Variants in RAB3IL1 observed in about 807,000 individuals in gnomAD.
The protein encoded by RAB3IL1 is guanine nucleotide exchange factor for Rab-3A.
RAB3IL1 carries 37 observed loss-of-function variants against 49.2 expected under a neutral mutation model. The observed-to-expected ratio is 0.75, with a 90% CI of 0.58 to 0.99. The LOEUF (loss-of-function observed/expected upper bound fraction) is 0.99. Ranked by LOEUF, RAB3IL1 falls within the 50% of genes least tolerant of loss-of-function variation. The probability of loss-of-function intolerance (pLI) is 0.00; values close to 1 mark genes in which losing one functional copy is unlikely to be tolerated. For synonymous variants in RAB3IL1, 193 were observed against 213.9 expected, an observed-to-expected ratio of 0.90 and a Z score of 0.85; for missense variants, 484 against 513.0, an observed-to-expected ratio of 0.94 and a Z score of 0.55.
chr11:61,906,773 A>C lies in RAB3IL1; in HGVS notation c.439-89T>G. On this transcript the variant is annotated intron_variant, in intron 4 of 9. Coordinates refer to ENST00000394836, the MANE Select transcript of RAB3IL1 (RefSeq NM_013401.4). This position sits in a 1 kb window ranked among gnomAD's most constrained non-coding sequence, Gnocchi z 4.6. ...CTATCAGCCTAACTCAGGACAATGC[A>C]CCCCTGCAGTGACAGGCACTTAGTC... is the stretch of plus-strand genomic sequence containing the variant. 8.0e-7 allele frequency: 1 copy of C among 1,250,540 alleles called. No homozygotes were observed. Among genetic ancestry groups the C allele is most frequent in the Non-Finnish European group, 1.1e-6 (1 of 883,162 alleles). The allele number at this position is 1,250,540 out of a possible 1,614,324, so 77.5% of individuals were successfully genotyped here.
chr11:61,914,557 G>A (rs998644937), intron 1 of RAB3IL1, among the ~76,000 whole-genome samples: 3 of 152,184 alleles, frequency 2.0e-5, no homozygotes, highest in African/African-American at 4.8e-5. Context: ...AATCGGAAGG[G>A]GGACAACCCA....
rs940379974 is a variant in RAB3IL1 at position 61,906,125 on chromosome 11, C to A, written c.657+341G>T. Among the ~76,000 whole-genome samples, 8 of 152,104 alleles carry A rather than the reference C, an allele frequency of 5.3e-5. No homozygotes were observed. The highest frequency in any genetic ancestry group is 1.9e-4 in the African/African-American group (8 of 41,408). On this transcript the variant is annotated intron_variant, in intron 5 of 9. Coordinates refer to ENST00000394836, the MANE Select transcript of RAB3IL1 (RefSeq NM_013401.4). This position sits in a 1 kb window ranked among gnomAD's most constrained non-coding sequence, Gnocchi z 4.6. The stretch of plus-strand genomic sequence containing the variant: ...CTGAGGCCCAGTGGCTGCTGCTTGG[C>A]CTCTTAAGGCCAAGGAAGTGTGTGT...
the RAB3IL1 span, among the ~76,000 whole-genome samples, chr11:61,938,210 C>T: frequency 6.6e-6 from 1 of 152,118 alleles, no homozygotes; most frequent in East Asian, 1.9e-4. Context: ...CCAGCTTGGG[C>T]AACGAAGTTA....
the RAB3IL1 span, among the ~76,000 whole-genome samples, chr11:61,940,101 T>A: frequency 6.6e-6 from 1 of 152,098 alleles, no homozygotes; most frequent in African/African-American, 2.4e-5. Flanking sequence ...GCTATGATCG[T>A]ACCACTTCTC....
In RAB3IL1 at chr11:61,904,633, A is replaced by G; in HGVS notation, c.812T>C (p.Val271Ala). 6.2e-7 allele frequency: 1 copy of G among 1,612,256 alleles called. No individual in the cohort carries two copies. Among genetic ancestry groups the G allele is most frequent in the Non-Finnish European group, 8.5e-7 (1 of 1,179,356 alleles). ...CTCAATGGTGAGCGTGTTGTCCTCC[A>G]CGGCGGCCCGTACCAGCACCGAGAG... ...QELSVLVRAA[V>A]EDNTLTIEPV... The change falls in exon 7 of 10, where the codon GTG becomes GCG. Residue 271 changes from valine (V) to alanine (A), a missense_variant. Physicochemically the swap from Val to Ala is moderately conservative, Grantham distance 64 (BLOSUM62 0). Coordinates refer to ENST00000394836, the MANE Select transcript of RAB3IL1 (RefSeq NM_013401.4).
chr11:61,904,731 GC>G, intron 6 of RAB3IL1, 22 bp downstream of exon 6: 1 of 1,571,518 alleles, frequency 6.4e-7, no homozygotes, highest in Non-Finnish European at 8.6e-7. Flanking sequence ...CCCCCAGCTG[GC>G]CCCGCCCCTG....
Position 61,907,643 on chromosome 11 carries a change from G to A in RAB3IL1, c.282C>T (p.Asp94=), listed in dbSNP as rs774329242. 1.2e-5 allele frequency: 19 copies of A among 1,613,962 alleles called. No individual in the cohort carries two copies. Among genetic ancestry groups the A allele is most frequent in the Admixed American group, 1.7e-5 (1 of 59,996 alleles). The change falls in exon 3 of 10, where the codon GAC becomes GAT. Residue 94 remains aspartate (D), a synonymous_variant. Transcript: ENST00000394836. ...CCTTGGACAGCCGCTCACATTCCTC[G>A]TCCTTTAGCTTCAGCTCCTGGAGGA... ...HRAQKELKLK[D]EECERLSKVR... is the part of the protein sequence containing the mutation.
intron 8 of RAB3IL1, 38 bp from the exon 9 acceptor site, chr11:61,899,418 C>T: frequency 6.3e-7 from 1 of 1,589,228 alleles, no homozygotes; most frequent in South Asian, 1.1e-5. Context: ...CCTGCCAGCC[C>T]CACGCTGGGG....
chr11:61,930,269 T>C, the RAB3IL1 span, among the ~76,000 whole-genome samples: 9 of 152,104 alleles, frequency 5.9e-5, no homozygotes, highest in Non-Finnish European at 1.0e-4. Context: ...ATTTGTTTAA[T>C]GGGTATGGAG....
At chr11:61,917,332 G>T in intron 1 of RAB3IL1, 25 bp downstream of exon 1, 1 of 1,319,236 alleles carries the variant, frequency 7.6e-7, no homozygotes, top group Non-Finnish European at 9.7e-7. Context: ...ACCCAGCGCG[G>T]GACCGCGAGC....
intron 1 of RAB3IL1, among the ~76,000 whole-genome samples, chr11:61,915,570 C>T (rs1267898764): frequency 6.6e-6 from 1 of 152,202 alleles, no homozygotes; most frequent in South Asian, 2.1e-4. Flanking sequence ...GCACAAGACA[C>T]AGGCTTCCGG....
upstream of RAB3IL1, among the ~76,000 whole-genome samples, chr11:61,921,045 C>T (rs1371488266): frequency 6.6e-6 from 1 of 152,032 alleles, no homozygotes; most frequent in Non-Finnish European, 1.5e-5. Context: ...TTTTTCAAGG[C>T]AGGGTCTCGC....
In RAB3IL1 at chr11:61,906,303, G is replaced by C. The variant is rs1434791325; in HGVS notation, c.657+163C>G. Among the ~76,000 whole-genome samples, 1 of 152,178 alleles carries C rather than the reference G, an allele frequency of 6.6e-6. No homozygotes were observed. Among genetic ancestry groups the C allele is most frequent in the African/African-American group, 2.4e-5 (1 of 41,444 alleles). On this transcript the variant is annotated intron_variant, in intron 5 of 9. Coordinates refer to ENST00000394836, the MANE Select transcript of RAB3IL1 (RefSeq NM_013401.4). The surrounding 1 kb of genome is among the most constrained non-coding windows in gnomAD (Gnocchi z 4.6). ...AGGCCAAGTGCCTCAGATCACAGGA[G>C]GTTGGAGAGAAAGGACCTGCCCAGC...
chr11:61,930,863 C>T, the RAB3IL1 span, among the ~76,000 whole-genome samples: 1 of 152,048 alleles, frequency 6.6e-6, no homozygotes, highest in Non-Finnish European at 1.5e-5. Context: ...AAAGTGATGA[C>T]AATGTTTAAA....
At chr11:61,911,107 C>T (rs1939435831) in intron 1 of RAB3IL1, among the ~76,000 whole-genome samples, 1 of 152,186 alleles carries the variant, frequency 6.6e-6, no homozygotes, top group South Asian at 2.1e-4. Context: ...TCATTTTTGC[C>T]TTGTGGGGCA....
At chr11:61,905,727 G>A (rs903800735) in intron 5 of RAB3IL1, among the ~76,000 whole-genome samples, 2 of 152,154 alleles carry the variant, frequency 1.3e-5, no homozygotes, top group East Asian at 1.9e-4. Flanking sequence ...GTGGGCTGGC[G>A]CCAGGGACCC....
At chr11:61,939,443 C>T in the RAB3IL1 span, among the ~76,000 whole-genome samples, 2 of 152,012 alleles carry the variant, frequency 1.3e-5, no homozygotes, top group South Asian at 4.1e-4. Flanking sequence ...AATTAATAAC[C>T]TAAACTTCCA....
At chr11:61,945,366 C>T in the RAB3IL1 span, among the ~76,000 whole-genome samples, 2 of 152,198 alleles carry the variant, frequency 1.3e-5, no homozygotes, top group African/African-American at 2.4e-5. Flanking sequence ...GTGGCCACCG[C>T]AGCGCTAAAC....
At chr11:61,919,540 C>T (rs531126650), upstream of RAB3IL1, among the ~76,000 whole-genome samples, 4 of 152,304 alleles carry the variant, frequency 2.6e-5, no homozygotes, top group South Asian at 4.1e-4. Flanking sequence ...CTCTTACACC[C>T]GTTTTCCAAA....
Sources: allele counts gnomAD v4.1 joint callset (sites outside exome capture counted in the v4.1 genomes callset), GRCh38; gene constraint gnomAD v4.1.1; non-coding constraint Gnocchi (gnomAD v3.1); transcripts MANE v1.5; gene names NCBI Gene and HGNC (gene_info 2026-07-23, HGNC 2026-07-21).